LIMS1: variants seen among roughly 807,000 people sequenced by gnomAD.
The protein encoded by LIMS1 is LIM and senescent cell antigen-like-containing domain protein 1.
A neutral mutation model predicts 44.1 loss-of-function variants in LIMS1; 18 were observed. That is an observed-to-expected ratio of 0.41 (90% CI 0.28 to 0.61). LIMS1 has a LOEUF of 0.61. Among genes scored for constraint, LIMS1 ranks in the 20% least tolerant of loss-of-function variants. LIMS1 has a pLI of 0.32. For missense variants in LIMS1, 201 were observed against 422.0 expected (o/e 0.48, Z 4.59); for synonymous variants, 93 against 149.1 (o/e 0.62, Z 2.74).
At chr2:108,641,865 G>A (rs1359599267) in intron 1 of LIMS1, among the ~76,000 whole-genome samples, 3 of 152,148 alleles carry the variant, frequency 2.0e-5, no homozygotes, top group African/African-American at 7.2e-5. Context: ...CAGTGCATTT[G>A]TTCTAGAAGC....
At chr2:108,546,447 C>T (rs544504170) in intron 1 of LIMS1, among the ~76,000 whole-genome samples, 3 of 151,726 alleles carry the variant, frequency 2.0e-5, no homozygotes, top group South Asian at 2.1e-4. Context: ...GTGCCTGGGC[C>T]GCCCTCCTAC....
intron 1 of LIMS1, among the ~76,000 whole-genome samples, chr2:108,657,547 A>G (rs1256218408): frequency 7.9e-5 from 12 of 152,396 alleles, no homozygotes; most frequent in Admixed American, 7.8e-4. Flanking sequence ...AAGAAGCACA[A>G]ACCCCTCCAG....
At chr2:108,594,865 G>A (rs1686585074) in intron 1 of LIMS1, among the ~76,000 whole-genome samples, 1 of 151,896 alleles carries the variant, frequency 6.6e-6, no homozygotes, top group Non-Finnish European at 1.5e-5. Flanking sequence ...GTGACTACTG[G>A]CTACCAAAGT....
At chr2:108,551,626 G>GTGTATATATA (rs1363281895) in intron 1 of LIMS1, among the ~76,000 whole-genome samples, 2 of 135,806 alleles carry the variant, frequency 1.5e-5, no homozygotes, top group Non-Finnish European at 3.1e-5. Flanking sequence ...ATGTATATAT[G>GTGTATATATA]TGTATATATA....
intron 2 of LIMS1, among the ~76,000 whole-genome samples, chr2:108,669,916 G>A (rs180672094): frequency 6.6e-6 from 1 of 152,278 alleles, no homozygotes; most frequent in African/African-American, 2.4e-5. Context: ...TAATATTTGT[G>A]TCTTGCTTGT....
chr2:108,626,273 A>T (rs6711276), intron 1 of LIMS1, among the ~76,000 whole-genome samples: 54,571 of 152,122 alleles, frequency 0.36, 11,778 homozygotes, highest in East Asian at 0.88. Flanking sequence ...CAGTTTTGCC[A>T]TTATCTTATT....
chr2:108,541,697 AATG>A (rs1055507485), intron 1 of LIMS1, among the ~76,000 whole-genome samples: 8 of 152,146 alleles, frequency 5.3e-5, no homozygotes. Context: ...TTTTTCTGAA[AATG>A]ATGATTTCCT....
At chr2:108,639,817 T>C (rs974895667) in intron 1 of LIMS1, among the ~76,000 whole-genome samples, 2 of 152,254 alleles carry the variant, frequency 1.3e-5, no homozygotes, top group Admixed American at 1.3e-4. Context: ...TTGGCAGGAA[T>C]ATGCGTGATT....
chr2:108,585,667 C>A (rs536066579), intron 1 of LIMS1, among the ~76,000 whole-genome samples: 1 of 152,130 alleles, frequency 6.6e-6, no homozygotes, highest in East Asian at 1.9e-4. Flanking sequence ...TACAGCCAGG[C>A]AGAGGCTCTT....
chr2:108,589,175 A>C lies in LIMS1; in HGVS notation c.32+54581A>C, dbSNP rs1686250414. On this transcript the variant is annotated intron_variant, in intron 1 of 9. Transcript: ENST00000544547. The stretch of plus-strand genomic sequence containing the variant: ...TTACTCTTATTCATTAACATGTAAA[A>C]CGCTGTTTAAAAAAAAAAAACTGGT... Among the ~76,000 whole-genome samples the C allele has an allele frequency of 2.0e-5, 3 of 151,926 alleles. 1 individual carries two copies. Among genetic ancestry groups the C allele is most frequent in the African/African-American group, 4.8e-5 (2 of 41,360 alleles).
intron 1 of LIMS1, among the ~76,000 whole-genome samples, chr2:108,633,421 T>C (rs552620618): frequency 1.3e-5 from 2 of 152,358 alleles, no homozygotes; most frequent in East Asian, 1.9e-4. Flanking sequence ...AGACCTCTTA[T>C]ATTCAGTCTG....
At chr2:108,676,172 ACT>A (rs1692550563) in intron 6 of LIMS1, 144 bp downstream of exon 6, 5 of 1,094,234 alleles carry the variant, frequency 4.6e-6, no homozygotes, top group Non-Finnish European at 6.4e-6. Context: ...AGATTAGGAG[ACT>A]CTAAAGATTA....
At chr2:108,645,693 A>G (rs892930579) in intron 1 of LIMS1, among the ~76,000 whole-genome samples, 3 of 152,160 alleles carry the variant, frequency 2.0e-5, no homozygotes, top group African/African-American at 7.2e-5. Flanking sequence ...AAAGACACAG[A>G]CTGGCAAATT....
In LIMS1 at chr2:108,650,417, T is replaced by TC. The variant is rs201246824; in HGVS notation, c.33-9188_33-9187insC. On this transcript the variant is annotated intron_variant, in intron 1 of 9. Transcript: ENST00000544547. ...GCCTAAACTTTCTTTTCTTTTCTTT[T>TC]TTTTTTTTTTTTCTTTCGAGACGGA... Among the ~76,000 whole-genome samples, 157 of 144,240 alleles carry TC rather than the reference T, an allele frequency of 1.1e-3. 2 individuals are homozygous for TC. Among genetic ancestry groups the TC allele is most frequent in the Middle Eastern group, 3.4e-3 (1 of 290 alleles). The allele number at this position is 144,240 out of a possible 152,430, so 94.6% of individuals were successfully genotyped here.
intron 1 of LIMS1, among the ~76,000 whole-genome samples, chr2:108,565,399 A>G (rs1228094100): frequency 2.0e-5 from 3 of 152,178 alleles, no homozygotes; most frequent in African/African-American, 7.2e-5. Flanking sequence ...ACTCTTTTCT[A>G]TCTTAGTTGG....
chr2:108,679,853 G>A (rs1203811510), intron 8 of LIMS1, among the ~76,000 whole-genome samples: 2 of 151,818 alleles, frequency 1.3e-5, no homozygotes, highest in East Asian at 3.9e-4. Flanking sequence ...AGTTCGAGCT[G>A]TGATCGCACC....
At chr2:108,610,148 ATGTGTGTGTGTG>A (rs60571292) in intron 1 of LIMS1, among the ~76,000 whole-genome samples, 3,046 of 143,370 alleles carry the variant, frequency 0.021, 84 homozygotes, top group African/African-American at 0.068. Context: ...GTTACAAAAA[ATGTGTGTGTGTG>A]TGTGTGTGTG....
chr2:108,647,649 G>A (rs1690167395), intron 1 of LIMS1, among the ~76,000 whole-genome samples: 1 of 152,148 alleles, frequency 6.6e-6, no homozygotes, highest in Non-Finnish European at 1.5e-5. Context: ...GGGATACAAG[G>A]TTCATTCAAC....
At chr2:108,574,986 T>G (rs1685615967) in intron 1 of LIMS1, among the ~76,000 whole-genome samples, 1 of 152,232 alleles carries the variant, frequency 6.6e-6, no homozygotes, top group Non-Finnish European at 1.5e-5. Context: ...TTTTGATTTT[T>G]ACCGTGCCTT....
Sources: allele counts gnomAD v4.1 joint callset (sites outside exome capture counted in the v4.1 genomes callset), GRCh38; gene constraint gnomAD v4.1.1; transcripts MANE v1.5; gene names NCBI Gene and HGNC (gene_info 2026-07-23, HGNC 2026-07-21).